Variants in KAZN observed in about 807,000 individuals in gnomAD.
KAZN encodes the protein kazrin.
Under a neutral mutation model 87.4 loss-of-function variants are expected in KAZN, and 40 were observed. The ratio of observed to expected loss-of-function variants is 0.46; its 90% CI spans 0.36 to 0.60. The LOEUF is 0.60. Among genes scored for constraint, KAZN ranks in the 20% least tolerant of loss-of-function variants. The pLI is 0.00. For synonymous variants in KAZN, 466 were observed against 458.3 expected (o/e 1.02, Z -0.22); for missense variants, 898 against 1,073.9 (o/e 0.84, Z 2.29).
At chr1:15,097,914 T>C (rs966607911) in intron 10 of KAZN, among the ~76,000 whole-genome samples, 2 of 152,172 alleles carry the variant, frequency 1.3e-5, no homozygotes, top group Non-Finnish European at 2.9e-5. Flanking sequence ...CTTTCCAGTG[T>C]CCCATGCTGC....
chr1:14,220,924 G>C (rs938166668), intron 2 of KAZN, among the ~76,000 whole-genome samples: 5 of 152,184 alleles, frequency 3.3e-5, no homozygotes, highest in African/African-American at 1.2e-4. Flanking sequence ...TTTGTGCCTA[G>C]AGGTAAAGGT....
chr1:13,931,044 A>G (rs1640491565), intron 1 of KAZN, among the ~76,000 whole-genome samples: 2 of 152,238 alleles, frequency 1.3e-5, no homozygotes, highest in South Asian at 4.1e-4. Context: ...AACAGGAAGC[A>G]GATCCCTCAG....
At chr1:14,957,843 C>A (rs59198881) in intron 1 of KAZN, among the ~76,000 whole-genome samples, 1 of 152,186 alleles carries the variant, frequency 6.6e-6, no homozygotes, top group East Asian at 1.9e-4. Flanking sequence ...CTGTCGGCAC[C>A]GAGTGAGATG....
intron 2 of KAZN, among the ~76,000 whole-genome samples, chr1:14,549,798 C>T (rs1307554086): frequency 6.6e-6 from 1 of 151,932 alleles, no homozygotes; most frequent in Non-Finnish European, 1.5e-5. Flanking sequence ...CCTGTCTCCA[C>T]TAAAAACCAT....
At position 14,682,291 on chromosome 1, in the gene KAZN, CT is replaced by C. The variant is rs55908428; in HGVS notation, c.226+83082del. 2.5e-3 allele frequency among the ~76,000 whole-genome samples: 356 copies of C among 144,038 alleles called. No individual in the cohort carries two copies. In the East Asian group the frequency reaches 0.025, roughly 10 times the overall value. 94.5% of individuals were successfully genotyped at this position (144,038 alleles called of 152,430 possible). On this transcript the variant is annotated intron_variant, in intron 1 of 14. Coordinates refer to ENST00000376030, the MANE Select transcript of KAZN (RefSeq NM_201628.3). Reference sequence around the variant, plus strand: ...AGGTTAAGACATGGGTCAGAATTTCCTTTTTTTTTTTTTTAAGACAGGGTCT... The same window carrying C: ...AGGTTAAGACATGGGTCAGAATTTCCTTTTTTTTTTTTTAAGACAGGGTCT...
intron 1 of KAZN, among the ~76,000 whole-genome samples, chr1:14,014,539 G>C (rs1640473817): frequency 1.3e-5 from 2 of 152,124 alleles, no homozygotes; most frequent in Admixed American, 1.3e-4. Flanking sequence ...GTCAAATCCA[G>C]CTTACTGCCT....
intron 1 of KAZN, among the ~76,000 whole-genome samples, chr1:14,699,137 C>T (rs983091956): frequency 6.6e-6 from 1 of 151,940 alleles, no homozygotes; most frequent in African/African-American, 2.4e-5. Context: ...AAGTCCCAGA[C>T]TGAAGGTCCA....
chr1:14,638,750 T>C (rs368891857), intron 1 of KAZN, among the ~76,000 whole-genome samples: 45 of 152,034 alleles, frequency 3.0e-4, no homozygotes, highest in African/African-American at 9.9e-4. Context: ...CGCTTCTCCA[T>C]CTTCACCGCC....
intron 1 of KAZN, among the ~76,000 whole-genome samples, chr1:14,101,760 G>A (rs1644252823): frequency 6.6e-6 from 1 of 152,216 alleles, no homozygotes; most frequent in South Asian, 2.1e-4. Context: ...AGTAAGCACT[G>A]CTAAAGTACT....
At chr1:15,051,735 A>C (rs971582801) in intron 4 of KAZN, among the ~76,000 whole-genome samples, 6 of 152,180 alleles carry the variant, frequency 3.9e-5, no homozygotes, top group Non-Finnish European at 8.8e-5. Flanking sequence ...CCAAGCTCCA[A>C]AGAACTGTGC....
intron 2 of KAZN, among the ~76,000 whole-genome samples, chr1:14,352,334 G>C (rs1373270075): frequency 6.6e-6 from 1 of 152,006 alleles, no homozygotes; most frequent in Non-Finnish European, 1.5e-5. Context: ...CTTGGCTCCA[G>C]AGAACTGACA....
chr1:14,787,775 C>A (rs1203092004), intron 1 of KAZN, among the ~76,000 whole-genome samples: 2 of 152,134 alleles, frequency 1.3e-5, no homozygotes, highest in Non-Finnish European at 2.9e-5. Context: ...ACCTGCATCG[C>A]TCTGGAAGGA....
At chr1:14,195,781 T>C (rs1646514638) in intron 2 of KAZN, among the ~76,000 whole-genome samples, 3 of 152,174 alleles carry the variant, frequency 2.0e-5, no homozygotes. Context: ...GAGTTCCTGC[T>C]GTATGCTAGG....
At chr1:14,967,468 CT>C (rs1233872767) in intron 2 of KAZN, among the ~76,000 whole-genome samples, 2 of 152,168 alleles carry the variant, frequency 1.3e-5, no homozygotes, top group African/African-American at 4.8e-5. Context: ...TGATGTCCCC[CT>C]CTCCCAAAGA....
intron 1 of KAZN, among the ~76,000 whole-genome samples, chr1:14,850,039 G>A (rs1033936795): frequency 1.3e-5 from 2 of 151,102 alleles, no homozygotes; most frequent in African/African-American, 2.4e-5. Context: ...AAGTTCAAGC[G>A]ATTCTCCTGC....
chr1:14,459,949 G>A (rs891728533), intron 2 of KAZN, among the ~76,000 whole-genome samples: 2 of 152,042 alleles, frequency 1.3e-5, no homozygotes, highest in Non-Finnish European at 2.9e-5. Flanking sequence ...AGCCCCCTGA[G>A]TAATAAATAC....
intron 2 of KAZN, among the ~76,000 whole-genome samples, chr1:14,418,323 T>C (rs552078376): frequency 6.6e-6 from 1 of 152,302 alleles, no homozygotes; most frequent in South Asian, 2.1e-4. Context: ...CCCAGGAAAG[T>C]CTCAAGCCAT....
At chr1:14,514,375 A>ATTT (rs1491445643) in intron 2 of KAZN, among the ~76,000 whole-genome samples, 4 of 14,448 alleles carry the variant, frequency 2.8e-4, no homozygotes, top group African/African-American at 1.1e-3. Context: ...TTATATATAT[A>ATTT]ATATATATAT....
At chr1:14,596,761 G>A (rs748333932), upstream of KAZN, among the ~76,000 whole-genome samples, 4 of 152,136 alleles carry the variant, frequency 2.6e-5, no homozygotes, top group Non-Finnish European at 4.4e-5. Context: ...CTTCATCCAC[G>A]TAGTAGTAGC....
Sources: allele counts gnomAD v4.1 joint callset (sites outside exome capture counted in the v4.1 genomes callset), GRCh38; gene constraint gnomAD v4.1.1; transcripts MANE v1.5; gene names NCBI Gene and HGNC (gene_info 2026-07-23, HGNC 2026-07-21).